Variants in NAALADL2 observed in about 807,000 individuals in gnomAD.
NAALADL2 encodes N-acetylated alpha-linked acidic dipeptidase like 2.
NAALADL2 carries 76 observed loss-of-function variants against 87.2 expected under a neutral mutation model. That is an observed-to-expected ratio of 0.87 (90% CI 0.72 to 1.05). NAALADL2 has a LOEUF of 1.05. Ranked by LOEUF, NAALADL2 falls within the 50% of genes least tolerant of loss-of-function variation. The pLI is 0.00. For synonymous variants in NAALADL2, 354 were observed against 331.0 expected (o/e 1.07, Z -0.75); for missense variants, 1,089 against 945.8 (o/e 1.15, Z -1.99).
chr3:174,744,831 C>T (rs1280491962), intron 3 of NAALADL2, among the ~76,000 whole-genome samples: 1 of 152,096 alleles, frequency 6.6e-6, no homozygotes, highest in Non-Finnish European at 1.5e-5. Context: ...ATTGAACAAC[C>T]TGTCCCTGAA....
At chr3:175,745,875 TGCG>T (rs1745854486) in intron 12 of NAALADL2, among the ~76,000 whole-genome samples, 1 of 152,216 alleles carries the variant, frequency 6.6e-6, no homozygotes, top group Non-Finnish European at 1.5e-5. Context: ...AATTAATGTC[TGCG>T]TAATTCTGAT....
At chr3:174,458,859 T>C (rs1273748335) in intron 1 of NAALADL2, among the ~76,000 whole-genome samples, 1 of 152,218 alleles carries the variant, frequency 6.6e-6, no homozygotes, top group African/African-American at 2.4e-5. Flanking sequence ...CCTCATCTCC[T>C]GTCCCTCAGG....
chr3:175,410,666 G>C (rs1713336178), intron 5 of NAALADL2, among the ~76,000 whole-genome samples: 1 of 152,100 alleles, frequency 6.6e-6, no homozygotes, highest in Non-Finnish European at 1.5e-5. Context: ...ACATGATACA[G>C]TAAGCACATA....
chr3:175,012,592 TC>T (rs1321947073), intron 1 of NAALADL2, among the ~76,000 whole-genome samples: 1 of 152,168 alleles, frequency 6.6e-6, no homozygotes, highest in Non-Finnish European at 1.5e-5. Context: ...TTTTTATCCT[TC>T]TAGAATAATG....
At chr3:174,665,463 G>A (rs1375260511) in intron 2 of NAALADL2, among the ~76,000 whole-genome samples, 2 of 152,060 alleles carry the variant, frequency 1.3e-5, no homozygotes, top group Admixed American at 6.6e-5. Context: ...GTTATCATGT[G>A]GCAGGTTCTG....
At chr3:174,999,632 GT>G (rs978432731) in intron 1 of NAALADL2, among the ~76,000 whole-genome samples, 3 of 152,142 alleles carry the variant, frequency 2.0e-5, no homozygotes, top group African/African-American at 7.2e-5. Context: ...GGTAAGAGAT[GT>G]TTGTGGAATG....
In NAALADL2 at chr3:175,471,734, A is replaced by G. The variant is rs1163928451; in HGVS notation, c.1629A>G (p.Pro543=). Residue 543 remains proline, a synonymous_variant, in exon 9 of 14, where the codon CCA becomes CCG. Coordinates refer to ENST00000454872, the MANE Select transcript of NAALADL2 (RefSeq NM_207015.3). ...GNSSLYPVAS[P]SLQQLVVEKN... ...CTAGTCTGTATCCTGTAGCATCACCATCTCTTCAGCAACTGGTAGTAGAGG... is the reference window on the plus strand; with the variant it reads ...CTAGTCTGTATCCTGTAGCATCACCGTCTCTTCAGCAACTGGTAGTAGAGG... 2.5e-6 allele frequency: 4 copies of G among 1,608,796 alleles called. No individual in the cohort carries two copies. The highest frequency in any genetic ancestry group is 3.4e-6 in the Non-Finnish European group (4 of 1,177,604).
intron 13 of NAALADL2, among the ~76,000 whole-genome samples, chr3:175,774,618 TGTTA>T (rs1392296906): frequency 1.3e-5 from 2 of 151,948 alleles, no homozygotes; most frequent in African/African-American, 4.8e-5. Flanking sequence ...CTCAATTAGC[TGTTA>T]GTTAAAAAAT....
At chr3:175,381,541 T>TACTAATTA (rs1767783970) in intron 5 of NAALADL2, among the ~76,000 whole-genome samples, 2 of 152,162 alleles carry the variant, frequency 1.3e-5, no homozygotes, top group African/African-American at 4.8e-5. Flanking sequence ...TTTAATATGT[T>TACTAATTA]TTAAGTGCTC....
At chr3:175,193,927 G>A (rs1738589705) in intron 2 of NAALADL2, among the ~76,000 whole-genome samples, 2 of 151,904 alleles carry the variant, frequency 1.3e-5, no homozygotes, top group African/African-American at 2.4e-5. Context: ...AATACCATTA[G>A]GACTTTTAAC....
intron 2 of NAALADL2, among the ~76,000 whole-genome samples, chr3:174,723,870 A>G (rs964115843): frequency 6.7e-6 from 1 of 150,220 alleles, no homozygotes; most frequent in Non-Finnish European, 1.5e-5. Flanking sequence ...TAGTTTTTAT[A>G]AGTTGATCTA....
intron 1 of NAALADL2, among the ~76,000 whole-genome samples, chr3:175,019,962 C>G (rs756853472): frequency 7.2e-5 from 11 of 151,994 alleles, no homozygotes; most frequent in Non-Finnish European, 1.0e-4. Flanking sequence ...AATATGTGAT[C>G]TTTATGACAA....
rs73033664 is a variant in NAALADL2, at chr3:175,426,861, T to C, written c.1091-20368T>C. 8.0e-3 allele frequency among the ~76,000 whole-genome samples: 1,214 copies of C among 152,304 alleles called. 16 individuals are homozygous for C. Among genetic ancestry groups the C allele is most frequent in the African/African-American group, 0.028 (1,157 of 41,562 alleles). On this transcript the variant is annotated intron_variant, in intron 5 of 13. Coordinates refer to ENST00000454872, the MANE Select transcript of NAALADL2 (RefSeq NM_207015.3). ...CTATGCAGCTCGTAGCTGATAATTA[T>C]GGTGTCAGAGAGAGTGCTGTATTTG...
chr3:175,072,843 A>G (rs1715912690), intron 1 of NAALADL2, among the ~76,000 whole-genome samples: 1 of 152,058 alleles, frequency 6.6e-6, no homozygotes. Context: ...TATAGCAATA[A>G]AAGAAAAAAA....
At chr3:174,614,664 C>T (rs769201658) in intron 2 of NAALADL2, among the ~76,000 whole-genome samples, 11 of 152,116 alleles carry the variant, frequency 7.2e-5, no homozygotes, top group East Asian at 1.9e-4. Flanking sequence ...GTACTTTGAG[C>T]GCTCATCTGA....
At chr3:175,272,621 CTATAA>C (rs1362320437) in intron 4 of NAALADL2, among the ~76,000 whole-genome samples, 1 of 152,088 alleles carries the variant, frequency 6.6e-6, no homozygotes, top group African/African-American at 2.4e-5. Context: ...CTCACTTATG[CTATAA>C]TATGTCACCC....
intron 1 of NAALADL2, among the ~76,000 whole-genome samples, chr3:174,468,495 C>G (rs1257401143): frequency 1.3e-5 from 2 of 148,834 alleles, no homozygotes; most frequent in African/African-American, 4.9e-5. Flanking sequence ...ATTCTTGTGT[C>G]CCAGCCTCCC....
chr3:174,922,597 CT>C (rs896236836), intron 1 of NAALADL2, among the ~76,000 whole-genome samples: 4 of 152,222 alleles, frequency 2.6e-5, no homozygotes, highest in Admixed American at 6.5e-5. Flanking sequence ...CCCACATTGC[CT>C]TTAGATATTA....
intron 2 of NAALADL2, among the ~76,000 whole-genome samples, chr3:175,109,274 T>A (rs1723774485): frequency 6.6e-6 from 1 of 151,860 alleles, no homozygotes. Flanking sequence ...AATTTAAAAG[T>A]AACACCTGAT....
Sources: gnomAD v4.1 joint callset for allele counts (sites outside exome capture counted in the v4.1 genomes callset) on GRCh38, gnomAD v4.1.1 for gene constraint, MANE v1.5 for transcripts, NCBI Gene and HGNC (gene_info 2026-07-23, HGNC 2026-07-21) for gene names.